Variants in CD99 observed in about 807,000 individuals in gnomAD.
CD99 encodes CD99 molecule (Xg blood group).
A neutral mutation model predicts 28.4 loss-of-function variants in CD99; 19 were observed. The observed-to-expected ratio is 0.67, with a 90% CI of 0.47 to 0.98. The LOEUF (loss-of-function observed/expected upper bound fraction) is 0.98. Among genes scored for constraint, CD99 ranks in the 50% least tolerant of loss-of-function variants. The pLI, the probability that CD99 is intolerant of heterozygous loss-of-function variation, is 0.00. For synonymous variants in CD99, 103 were observed against 92.1 expected, an observed-to-expected ratio of 1.12 and a Z score of -0.67; for missense variants, 283 against 248.8, an observed-to-expected ratio of 1.14 and a Z score of -0.92.
In CD99 at chrX:2,713,661, C is replaced by T. The variant is rs754344362; in HGVS notation, c.68-761C>T. 1.2e-4 allele frequency among the ~76,000 whole-genome samples: 18 copies of T among 152,296 alleles called. No individual in the cohort carries two copies. The East Asian group carries it at 1.7e-3, about 15-fold the overall frequency. On this transcript the variant is annotated intron_variant, in intron 1 of 9. Transcript: ENST00000381192. ...ACTTCCGGTGTTCACAGGGCTCCTG[C>T]GGGTTGTTCTTGGACCCCTCGCCAC...
intron 2 of CD99, chrX:2,715,096 C>T (rs1489088850): frequency 2.6e-5 from 4 of 152,318 alleles, no homozygotes; most frequent in Non-Finnish European, 5.9e-5. Flanking sequence ...CACCCGCTGT[C>T]TCCATGGGGC....
chrX:2,711,538 C>G (rs2048411541), intron 1 of CD99, among the ~76,000 whole-genome samples: 1 of 151,524 alleles, frequency 6.6e-6, no homozygotes, highest in Admixed American at 6.6e-5. Flanking sequence ...TCGGAGTAGC[C>G]AAGACATGCA....
intron 1 of CD99, among the ~76,000 whole-genome samples, chrX:2,709,366 C>T (rs2048277475): frequency 6.6e-6 from 1 of 151,844 alleles, no homozygotes; most frequent in Admixed American, 6.6e-5. Flanking sequence ...CAGGTGTGTG[C>T]TCAGATAGCA....
rs191021293 is a variant in CD99 at position 2,732,027 on chromosome X, T to A, written c.475+5654T>A. 1.2e-4 allele frequency among the ~76,000 whole-genome samples: 19 copies of A among 152,200 alleles called. No individual in the cohort carries two copies. In the East Asian group the frequency reaches 3.1e-3, roughly 25 times the overall value. On this transcript the variant is annotated intron_variant, in intron 8 of 9. Transcript: ENST00000381192. ...TCCCAGCTAATTTTTTACCTTTTTT[T>A]GTAGAGACAGAGTCTTGCTATGTTG...
intron 1 of CD99, among the ~76,000 whole-genome samples, chrX:2,696,038 A>G (rs1009165173): frequency 1.3e-4 from 20 of 152,240 alleles, no homozygotes; most frequent in Non-Finnish European, 2.5e-4. Flanking sequence ...TCATTGATAC[A>G]TGAGAGATAC....
intron 1 of CD99, among the ~76,000 whole-genome samples, chrX:2,703,602 TTAAGTGTGTGTG>T (rs1201611749): frequency 4.6e-5 from 6 of 129,126 alleles, no homozygotes; most frequent in African/African-American, 1.8e-4. Context: ...AACCGAGCTG[TTAAGTGTGTGTG>T]TGTGTGTGTG....
At chrX:2,698,332 A>C (rs2047675123) in intron 1 of CD99, among the ~76,000 whole-genome samples, 1 of 151,862 alleles carries the variant, frequency 6.6e-6, no homozygotes. Context: ...ACCCTCAGCT[A>C]ATTTTTAAAA....
rs759304411 is a variant in CD99 at position 2,716,879 on chromosome X, G to A, written c.101-726G>A. Among the ~76,000 whole-genome samples, 25 of 152,298 alleles carry A rather than the reference G, an allele frequency of 1.6e-4. No individual in the cohort carries two copies. In the South Asian group the frequency reaches 5.0e-3, roughly 30 times the overall value. ...GGGGCAGCCTAGGCAGAGGCCTGAC[G>A]GGGCCAAAAGTGTGTTTCATATGAG... On this transcript the variant is annotated intron_variant, in intron 2 of 9. Transcript: ENST00000381192.
At chrX:2,732,055 A>G (rs1277339369) in intron 8 of CD99, among the ~76,000 whole-genome samples, 6 of 151,606 alleles carry the variant, frequency 4.0e-5, no homozygotes, top group African/African-American at 7.3e-5. Context: ...CTATGTTGCC[A>G]TTACTTTTAA....
intron 8 of CD99, among the ~76,000 whole-genome samples, chrX:2,735,388 G>A (rs371271788): frequency 1.7e-4 from 26 of 152,306 alleles, no homozygotes; most frequent in African/African-American, 6.3e-4. Flanking sequence ...TTGACAGGAA[G>A]GGTATGTGGG....
At chrX:2,695,797 C>A (rs1401471972) in intron 1 of CD99, among the ~76,000 whole-genome samples, 4 of 152,066 alleles carry the variant, frequency 2.6e-5, no homozygotes, top group African/African-American at 9.7e-5. Context: ...CCACACCTGG[C>A]TATTTTTTGT....
At chrX:2,691,885 T>C in intron 1 of CD99, 1 of 779,136 alleles carries the variant, frequency 1.3e-6, no homozygotes, top group Non-Finnish European at 2.4e-6. Context: ...TTGGAATCGC[T>C]AGGAGCCTGA....
chrX:2,713,639 TC>T (rs756537354), intron 1 of CD99, among the ~76,000 whole-genome samples: 2 of 152,178 alleles, frequency 1.3e-5, no homozygotes, highest in East Asian at 3.8e-4. Flanking sequence ...TGGACACACT[TC>T]CGGTGTTCAC....
At chrX:2,699,458 G>A (rs1246577741) in intron 1 of CD99, among the ~76,000 whole-genome samples, 2 of 146,792 alleles carry the variant, frequency 1.4e-5, no homozygotes, top group Non-Finnish European at 3.0e-5. Context: ...GTGAGCCACC[G>A]CGCCCAGCCT....
intron 8 of CD99, among the ~76,000 whole-genome samples, chrX:2,729,769 A>AT (rs2049494097): frequency 6.6e-6 from 1 of 152,140 alleles, no homozygotes; most frequent in Admixed American, 6.6e-5. Context: ...GGGTGGAAGC[A>AT]TTATCTTTTT....
At chrX:2,723,024 C>T (rs1426039256) in intron 6 of CD99, among the ~76,000 whole-genome samples, 2 of 152,144 alleles carry the variant, frequency 1.3e-5, no homozygotes, top group African/African-American at 2.4e-5. Flanking sequence ...TTTTATTAGG[C>T]TGTTTTCTGT....
At chrX:2,727,971 T>C (rs1353875952) in intron 8 of CD99, among the ~76,000 whole-genome samples, 1 of 152,178 alleles carries the variant, frequency 6.6e-6, no homozygotes, top group African/African-American at 2.4e-5. Context: ...AAAGTTAGAC[T>C]GTAGGGGTGG....
chrX:2,723,355 G>C lies in CD99; in HGVS notation c.352G>C (p.Gly118Arg). Residue 118 changes from glycine (G) to arginine (R), a missense_variant, in exon 7 of 10, where the codon GGG becomes CGG. Coordinates refer to ENST00000381192, the MANE Select transcript of CD99 (RefSeq NM_002414.5). The stretch of plus-strand genomic sequence containing the variant: ...TGGTGGAGGCAGCCACAGGAAAGAA[G>C]GGGAAGAGGGTAGGTGCACCTGGCT... ...SDGGGSHRKE[G>R]EEADAPGVIP... The C allele has an allele frequency of 6.2e-7, 1 of 1,613,982 alleles. No homozygotes were observed.
At chrX:2,726,793 G>A (rs1309740588) in intron 8 of CD99, among the ~76,000 whole-genome samples, 8 of 151,042 alleles carry the variant, frequency 5.3e-5, no homozygotes, top group Non-Finnish European at 7.4e-5. Flanking sequence ...GAGGAGAGCC[G>A]TGACCAGGGG....
Sources: allele counts gnomAD v4.1 joint callset (sites outside exome capture counted in the v4.1 genomes callset), GRCh38; gene constraint gnomAD v4.1.1; transcripts MANE v1.5; gene names NCBI Gene and HGNC (gene_info 2026-07-23, HGNC 2026-07-21).